LRRC4C: variants seen among roughly 807,000 people sequenced by gnomAD.
LRRC4C encodes the protein leucine-rich repeat-containing protein 4C.
Under a neutral mutation model 33.6 loss-of-function variants are expected in LRRC4C, and 5 were observed. The ratio of observed to expected loss-of-function variants is 0.15; its 90% CI spans 0.08 to 0.31. The LOEUF is 0.31. Ranked by LOEUF, LRRC4C falls within the 10% of genes least tolerant of loss-of-function variation. The probability of loss-of-function intolerance (pLI) is 1.00; values close to 1 mark genes in which losing one functional copy is unlikely to be tolerated. For synonymous variants in LRRC4C, 329 were observed against 302.0 expected (o/e 1.09, Z -0.93); for missense variants, 560 against 796.7 (o/e 0.70, Z 3.58).
chr11:40,677,112 G>A (rs117976741), intron 2 of LRRC4C, among the ~76,000 whole-genome samples: 2,802 of 152,178 alleles, frequency 0.018, 40 homozygotes, highest in Non-Finnish European at 0.027. Context: ...TTTGCTGGGC[G>A]TGGTGGCTCA....
chr11:40,337,440 A>G (rs1283498683), intron 3 of LRRC4C, among the ~76,000 whole-genome samples: 1 of 152,182 alleles, frequency 6.6e-6, no homozygotes, highest in African/African-American at 2.4e-5. Context: ...GTAGCTTTGA[A>G]AACAACACAA....
At chr11:40,407,896 T>C (rs528780362) in intron 3 of LRRC4C, among the ~76,000 whole-genome samples, 5 of 152,058 alleles carry the variant, frequency 3.3e-5, no homozygotes, top group African/African-American at 1.2e-4. Flanking sequence ...AGAATGAAAA[T>C]TTTGGGGGAG....
chr11:41,439,537 A>AT (rs972264568), intron 1 of LRRC4C, among the ~76,000 whole-genome samples: 24 of 152,052 alleles, frequency 1.6e-4, no homozygotes, highest in South Asian at 8.3e-4. Context: ...CAAACATCCA[A>AT]TTTTTTTTAT....
At chr11:40,145,349 G>T (rs755051000) in intron 5 of LRRC4C, among the ~76,000 whole-genome samples, 1 of 152,060 alleles carries the variant, frequency 6.6e-6, no homozygotes, top group Non-Finnish European at 1.5e-5. Context: ...AATGATTTTA[G>T]AAGTGCCCAG....
chr11:41,285,932 C>A (rs894859766), intron 1 of LRRC4C, among the ~76,000 whole-genome samples: 2 of 152,070 alleles, frequency 1.3e-5, no homozygotes, highest in Admixed American at 6.5e-5. Flanking sequence ...CAGGTTCAAG[C>A]AATTCTTCTG....
chr11:40,507,335 G>A (rs143449512), intron 3 of LRRC4C, among the ~76,000 whole-genome samples: 2,878 of 152,158 alleles, frequency 0.019, 99 homozygotes, highest in African/African-American at 0.065. Flanking sequence ...CAGTGAATAG[G>A]AAAAGGCAGC....
intron 1 of LRRC4C, among the ~76,000 whole-genome samples, chr11:41,310,483 T>C (rs1481503747): frequency 6.6e-6 from 1 of 152,238 alleles, no homozygotes; most frequent in Non-Finnish European, 1.5e-5. Context: ...ACTTTTCTAA[T>C]TTCTGAACAA....
At chr11:41,339,438 C>T (rs943864071) in intron 1 of LRRC4C, among the ~76,000 whole-genome samples, 4 of 152,032 alleles carry the variant, frequency 2.6e-5, no homozygotes, top group African/African-American at 9.7e-5. Flanking sequence ...TATGACTAAA[C>T]CAGCAATAGG....
At chr11:40,126,990 G>A (rs954325989) in intron 6 of LRRC4C, among the ~76,000 whole-genome samples, 2 of 151,678 alleles carry the variant, frequency 1.3e-5, no homozygotes, top group African/African-American at 4.8e-5. Flanking sequence ...AAGAAGAAGA[G>A]AATTTGGGGC....
intron 4 of LRRC4C, among the ~76,000 whole-genome samples, chr11:40,290,033 C>T (rs73459213): frequency 0.016 from 2,498 of 151,790 alleles, 68 homozygotes; most frequent in African/African-American, 0.057. Flanking sequence ...ATTTTGATGT[C>T]AACAAAAGAT....
rs139148820 is a variant in LRRC4C, at chr11:40,316,684, A to G, written c.-176+2944T>C. On this transcript the variant is annotated intron_variant, in intron 4 of 6. Coordinates refer to ENST00000528697, the MANE Select transcript of LRRC4C (RefSeq NM_001258419.2). ...ATTTCTCTGAATATCCAAACATTCT[A>G]TAGAACTTGTTATGCATTTATTTAT... Among the ~76,000 whole-genome samples the G allele has an allele frequency of 1.6e-4, 24 of 152,150 alleles. 1 individual carries two copies. The highest frequency in any genetic ancestry group is 5.5e-4 in the African/African-American group (23 of 41,504).
chr11:41,171,218 T>A (rs1270814726), intron 1 of LRRC4C, among the ~76,000 whole-genome samples: 1 of 152,024 alleles, frequency 6.6e-6, no homozygotes, highest in Non-Finnish European at 1.5e-5. Context: ...GATCTAGAAC[T>A]AGAAACACCA....
chr11:41,052,011 C>T (rs1858264209), intron 1 of LRRC4C, among the ~76,000 whole-genome samples: 1 of 152,148 alleles, frequency 6.6e-6, no homozygotes, highest in African/African-American at 2.4e-5. Context: ...ACTCAATGTT[C>T]TGATCTCTAA....
intron 1 of LRRC4C, among the ~76,000 whole-genome samples, chr11:40,957,394 A>G (rs143144681): frequency 6.6e-6 from 1 of 151,838 alleles, no homozygotes; most frequent in Non-Finnish European, 1.5e-5. Context: ...TTATCCAATC[A>G]GGACACTTTA....
At chr11:40,685,304 A>C (rs1480061489) in intron 2 of LRRC4C, among the ~76,000 whole-genome samples, 1 of 152,106 alleles carries the variant, frequency 6.6e-6, no homozygotes, top group Middle Eastern at 3.2e-3. Flanking sequence ...ACTGTATGTC[A>C]TAATGAGATC....
intron 3 of LRRC4C, among the ~76,000 whole-genome samples, chr11:40,510,440 C>G (rs1185365879): frequency 6.6e-6 from 1 of 151,974 alleles, no homozygotes; most frequent in Admixed American, 6.6e-5. Flanking sequence ...ATAATAATGA[C>G]TATTTTACTC....
chr11:40,961,919 GAC>G lies in LRRC4C; in HGVS notation c.-495-28198_-495-28197del, dbSNP rs1457516498. 2.0e-5 allele frequency among the ~76,000 whole-genome samples: 3 copies of G among 151,654 alleles called. No individual in the cohort carries two copies. In the East Asian group the frequency reaches 5.9e-4, roughly 30 times the overall value. On this transcript the variant is annotated intron_variant, in intron 1 of 6. Transcript: ENST00000528697. ...AATTATAGCCCATGGGCCAAATTTT[GAC>G]AGTTTCCTCTTTTTGGAAATATATT...
rs539502326 is a variant in LRRC4C, at chr11:40,242,542, A to T, written c.-175-944T>A. Among the ~76,000 whole-genome samples, 12 of 152,354 alleles carry T rather than the reference A, an allele frequency of 7.9e-5. No individual in the cohort carries two copies. The South Asian group carries it at 2.5e-3, about 32-fold the overall frequency. On this transcript the variant is annotated intron_variant, in intron 4 of 6. Transcript: ENST00000528697. The stretch of plus-strand genomic sequence containing the variant: ...TTTAGGAGATGTAAATGTAATAACA[A>T]GGCAGTATCCAGATATCATGTATGT...
chr11:41,309,503 C>T (rs1950591760), intron 1 of LRRC4C, among the ~76,000 whole-genome samples: 1 of 152,118 alleles, frequency 6.6e-6, no homozygotes. Flanking sequence ...AGAATATTTC[C>T]ATTTTACATC....
Sources: allele counts gnomAD v4.1 joint callset (sites outside exome capture counted in the v4.1 genomes callset), GRCh38; gene constraint gnomAD v4.1.1; transcripts MANE v1.5; gene names NCBI Gene and HGNC (gene_info 2026-07-23, HGNC 2026-07-21).